Variants in MCM2 observed in about 807,000 individuals in gnomAD.
MCM2 encodes minichromosome maintenance complex component 2, also known as DNA replication licensing factor MCM2.
In MCM2, 49 loss-of-function variants were observed where a neutral mutation model predicts 86.4. The observed-to-expected ratio is 0.57, with a 90% CI of 0.45 to 0.72. The LOEUF is 0.72. Among genes scored for constraint, MCM2 ranks in the 30% least tolerant of loss-of-function variants. MCM2 has a pLI of 0.00. For missense variants in MCM2, 1,038 were observed against 1,259.9 expected (o/e 0.82, Z 2.67); for synonymous variants, 475 against 484.6 (o/e 0.98, Z 0.26).
intron 2 of MCM2, among the ~76,000 whole-genome samples, chr3:127,603,478 T>C (rs966675555): frequency 2.0e-5 from 3 of 151,054 alleles, no homozygotes; most frequent in Middle Eastern, 3.3e-3. Context: ...TTTGTTTGTT[T>C]GTTTTGTTTT....
intron 8 of MCM2, chr3:127,611,108 A>G: frequency 2.6e-6 from 1 of 386,276 alleles, no homozygotes; most frequent in Non-Finnish European, 5.2e-6. Flanking sequence ...CACACAGGCA[A>G]AGAAAGCCAG....
At chr3:127,619,854 G>C (rs1367845330) in intron 13 of MCM2, among the ~76,000 whole-genome samples, 2 of 151,978 alleles carry the variant, frequency 1.3e-5, no homozygotes, top group Non-Finnish European at 2.9e-5. Flanking sequence ...CTGGTGGTTT[G>C]TGCCTGTAGT....
Position 127,622,063 on chromosome 3 carries a change from A to T in MCM2, c.*290A>T. 3.3e-6 allele frequency: 1 copy of T among 304,628 alleles called. No individual in the cohort carries two copies. The highest frequency in any genetic ancestry group is 6.1e-6 in the Non-Finnish European group (1 of 163,798). The allele number at this position is 304,628 out of a possible 1,614,324, so 18.9% of individuals were successfully genotyped here. ...TCAGTACCTTGGATCAGAGCTGCTG[A>T]GTTCAGGATGCCTGCGTGTGGTTTA... is the stretch of plus-strand genomic sequence containing the variant. On this transcript the variant is annotated 3_prime_UTR_variant, in exon 16 of 16. Transcript: ENST00000265056.
rs1376026779 is a variant in MCM2, at chr3:127,608,930, CAAG to C, written c.1339_1341del (p.Lys447del). 3.1e-6 allele frequency: 5 copies of C among 1,613,966 alleles called. No homozygotes were observed. Among genetic ancestry groups the C allele is most frequent in the African/African-American group, 1.3e-5 (1 of 74,866 alleles). ...CTGTCATCCTAGCCAACCACGTGGC[CAAG>C]AAGGACAACAAGGTTGCTGTAGGGG... On this transcript the variant is annotated inframe_deletion, in exon 8 of 16. Transcript: ENST00000265056.
chr3:127,599,284 C>T, intron 1 of MCM2, 34 bp from the exon 2 acceptor site: 2 of 1,594,982 alleles, frequency 1.3e-6, no homozygotes, highest in Non-Finnish European at 1.7e-6. Context: ...TCACCAGCTT[C>T]CTAGGTTTCT....
rs372035062 is a variant in MCM2, at chr3:127,619,292, C to A, written c.2265+14C>A. The A allele has an allele frequency of 6.2e-6, 10 of 1,608,858 alleles. No homozygotes were observed. ...AAAGAATCTATGGTGAGAGCCCAGG[C>A]AGAGCCGGGAGGTGCTATGCAGAGA... is the stretch of plus-strand genomic sequence containing the variant. On this transcript the variant is annotated intron_variant, in intron 13 of 15. Transcript: ENST00000265056.
chr3:127,606,243 G>T lies in MCM2; in HGVS notation c.799G>T (p.Val267Leu). ...CTTTGATGAGGCTGCCCTGGAGGTGGTACTGGCCATGTACCCCAAGTACGA... is the reference window on the plus strand; with the variant it reads ...CTTTGATGAGGCTGCCCTGGAGGTGTTACTGGCCATGTACCCCAAGTACGA... ...QIFDEAALEV[V>L]LAMYPKYDRI... The change falls in exon 5 of 16, where the codon GTA becomes TTA. Residue 267 changes from valine (V) to leucine (L), a missense_variant. Coordinates refer to ENST00000265056, the MANE Select transcript of MCM2 (RefSeq NM_004526.4). The surrounding 1 kb of genome is among the most constrained non-coding windows in gnomAD (Gnocchi z 4.2). The T allele has an allele frequency of 6.2e-7, 1 of 1,614,204 alleles. No individual in the cohort carries two copies. The highest frequency in any genetic ancestry group is 8.5e-7 in the Non-Finnish European group (1 of 1,180,040).
Position 127,606,833 on chromosome 3 carries a change from A to C in MCM2, c.1101+16A>C, listed in dbSNP as rs990187415. ...CATGGAGGAGGTGAGAGAGGACACA[A>C]GGTCTGCTGCCAGCTGTCCTTAGGG... On this transcript the variant is annotated intron_variant, in intron 6 of 15. Coordinates refer to ENST00000265056, the MANE Select transcript of MCM2 (RefSeq NM_004526.4). The surrounding 1 kb of genome is among the most constrained non-coding windows in gnomAD (Gnocchi z 4.2). The C allele has an allele frequency of 1.2e-4, 198 of 1,613,470 alleles. No homozygotes were observed. Among genetic ancestry groups the C allele is most frequent in the Non-Finnish European group, 1.5e-4 (176 of 1,179,548 alleles).
chr3:127,614,659 T>C (rs2074420649), intron 8 of MCM2, among the ~76,000 whole-genome samples: 1 of 152,228 alleles, frequency 6.6e-6, no homozygotes, highest in Non-Finnish European at 1.5e-5. Flanking sequence ...CTTATTTTCT[T>C]TGACTTACTA....
intron 6 of MCM2, among the ~76,000 whole-genome samples, chr3:127,607,164 T>C (rs1436604263): frequency 3.3e-5 from 5 of 152,356 alleles, no homozygotes; most frequent in African/African-American, 1.2e-4. Flanking sequence ...CATGGTGCCA[T>C]CACTCACGTG....
chr3:127,610,026 G>A (rs1287930383), intron 8 of MCM2, among the ~76,000 whole-genome samples: 3 of 151,358 alleles, frequency 2.0e-5, no homozygotes, highest in Non-Finnish European at 4.4e-5. Context: ...TGTATTTTTA[G>A]TAGAGACAGA....
intron 1 of MCM2, among the ~76,000 whole-genome samples, 199 bp downstream of exon 1, chr3:127,598,671 T>C (rs537817882): frequency 1.3e-5 from 2 of 152,276 alleles, no homozygotes; most frequent in East Asian, 3.9e-4. Context: ...CTGGGCTCCC[T>C]AAGGCGAGCT....
At chr3:127,614,965 T>G (rs2074422648) in intron 8 of MCM2, among the ~76,000 whole-genome samples, 1 of 152,226 alleles carries the variant, frequency 6.6e-6, no homozygotes, top group African/African-American at 2.4e-5. Flanking sequence ...AAGTGTTACT[T>G]GCTTTCAGAG....
rs771995248 is a variant in MCM2 at position 127,605,121 on chromosome 3, A to G, written c.638A>G (p.Asn213Ser). 1.2e-6 allele frequency: 2 copies of G among 1,614,138 alleles called. No individual in the cohort carries two copies. Among genetic ancestry groups the G allele is most frequent in the Non-Finnish European group, 1.7e-6 (2 of 1,180,022 alleles). The change falls in exon 4 of 16, where the codon AAC (asparagine) becomes AGC (serine). Residue 213 changes from asparagine (N) to serine (S), a missense_variant. By Grantham distance (46) the Asn-to-Ser change is conservative. Transcript: ENST00000265056. ...LRTHVDSHGH[N>S]VFKERISDMC... ...ACTCACGTCGACAGCCACGGCCACA[A>G]CGTCTTCAAGGAGCGCATCAGCGAC...
intron 9 of MCM2, among the ~76,000 whole-genome samples, 197 bp downstream of exon 9, chr3:127,616,152 G>T (rs1410915155): frequency 6.6e-6 from 1 of 152,186 alleles, no homozygotes; most frequent in Non-Finnish European, 1.5e-5. Context: ...TTGGGCTGTT[G>T]GTCAGGGAGC....
intron 2 of MCM2, among the ~76,000 whole-genome samples, chr3:127,600,294 A>G (rs1463526631): frequency 6.6e-6 from 1 of 152,206 alleles, no homozygotes; most frequent in African/African-American, 2.4e-5. Flanking sequence ...AAATAAATAA[A>G]TAAATAAGTT....
Position 127,618,781 on chromosome 3 carries a change from C to T in MCM2, c.2014-246C>T, listed in dbSNP as rs551524553. On this transcript the variant is annotated intron_variant, in intron 12 of 15. Coordinates refer to ENST00000265056, the MANE Select transcript of MCM2 (RefSeq NM_004526.4). This position sits in a 1 kb window ranked among gnomAD's most constrained non-coding sequence, Gnocchi z 4.0. ...CACTCTATTTTTCTTCTGAGCATTA[C>T]TTTCCATAATTAATTTTTAAGACTA... 6.6e-6 allele frequency among the ~76,000 whole-genome samples: 1 copy of T among 152,306 alleles called. No individual in the cohort carries two copies. The highest frequency in any genetic ancestry group is 2.4e-5 in the African/African-American group (1 of 41,568).
chr3:127,605,072 C>T lies in MCM2; in HGVS notation c.589C>T (p.His197Tyr). The T allele has an allele frequency of 6.2e-7, 1 of 1,613,960 alleles. No homozygotes were observed. The highest frequency in any genetic ancestry group is 8.5e-7 in the Non-Finnish European group (1 of 1,180,018). ...SMAGPRLEIH[H>Y]RFKNFLRTHV... The stretch of plus-strand genomic sequence containing the variant: ...GGCGGGCCCCCGGCTGGAGATCCAC[C>T]ACCGCTTCAAGAACTTCCTGCGCAC... The change falls in exon 4 of 16, where the codon CAC becomes TAC. Residue 197 changes from histidine (H) to tyrosine (Y), a missense_variant. This residue lies in a region of MCM2 where 300 missense variants were observed against 307.4 expected (regional missense o/e 0.98). Coordinates refer to ENST00000265056, the MANE Select transcript of MCM2 (RefSeq NM_004526.4).
rs753647534 is a variant in MCM2 at position 127,615,894 on chromosome 3, T to G, written c.1461T>G (p.Gly487=). The G allele has an allele frequency of 3.1e-6, 5 of 1,614,056 alleles. No homozygotes were observed. The Admixed American group carries it at 8.3e-5, about 27-fold the overall frequency. The change falls in exon 9 of 16, where the codon GGT becomes GGG. Residue 487 remains glycine, a synonymous_variant. Transcript: ENST00000265056. The part of the protein sequence containing the change: ...IFASIAPSIY[G]HEDIKRGLAL... ...CCAGCATTGCTCCTTCCATCTATGGTCATGAAGACATCAAGAGAGGCCTGG... is the reference window on the plus strand; with the variant it reads ...CCAGCATTGCTCCTTCCATCTATGGGCATGAAGACATCAAGAGAGGCCTGG...
Sources: allele counts gnomAD v4.1 joint callset (sites outside exome capture counted in the v4.1 genomes callset), GRCh38; gene constraint gnomAD v4.1.1; regional missense constraint gnomAD v4.1.1; non-coding constraint Gnocchi (gnomAD v3.1); transcripts MANE v1.5; gene names NCBI Gene and HGNC (gene_info 2026-07-23, HGNC 2026-07-21).